The following ASTN2 variants were observed in gnomAD, a reference collection of about 807,000 sequenced individuals.
The protein encoded by ASTN2 is astrotactin 2.
Under a neutral mutation model 139.8 loss-of-function variants are expected in ASTN2, and 54 were observed. That is an observed-to-expected ratio of 0.39 (90% CI 0.31 to 0.48). The LOEUF is 0.48. ASTN2 is among the 20% of genes least tolerant of loss of function. The probability of loss-of-function intolerance (pLI) is 0.95; values close to 1 mark genes in which losing one functional copy is unlikely to be tolerated. For synonymous variants in ASTN2, 756 were observed against 719.5 expected (o/e 1.05, Z -0.81); for missense variants, 1,565 against 1,725.1 (o/e 0.91, Z 1.64).
chr9:116,626,910 TG>T (rs1038797005), intron 17 of ASTN2, among the ~76,000 whole-genome samples: 16 of 152,198 alleles, frequency 1.1e-4, no homozygotes, highest in African/African-American at 3.6e-4. Flanking sequence ...AGGATCTACC[TG>T]GGCCATCTGC....
intron 1 of ASTN2, among the ~76,000 whole-genome samples, chr9:117,353,029 T>A (rs1467740970): frequency 5.3e-5 from 8 of 152,192 alleles, no homozygotes; most frequent in Non-Finnish European, 1.2e-4. Context: ...TGGGGAGTTA[T>A]TGCTTAATGA....
chr9:116,957,803 C>G (rs535671817), intron 10 of ASTN2, among the ~76,000 whole-genome samples: 1 of 152,340 alleles, frequency 6.6e-6, no homozygotes, highest in South Asian at 2.1e-4. Flanking sequence ...GTCTCAGCCT[C>G]CTGAGTAGCT....
intron 16 of ASTN2, among the ~76,000 whole-genome samples, chr9:116,676,180 A>T (rs1428171434): frequency 2.0e-5 from 3 of 152,116 alleles, no homozygotes; most frequent in South Asian, 4.2e-4. Flanking sequence ...GGAAACTGGA[A>T]ATCTGATATG....
intron 14 of ASTN2, among the ~76,000 whole-genome samples, chr9:116,732,480 G>A (rs1332011439): frequency 2.6e-5 from 4 of 152,120 alleles, no homozygotes; most frequent in Non-Finnish European, 5.9e-5. Context: ...GTCTTCCCTG[G>A]GGAACAATTC....
intron 2 of ASTN2, among the ~76,000 whole-genome samples, chr9:117,227,499 G>GATTACTGGATGGATGAATAC (rs1832753113): frequency 6.6e-6 from 1 of 152,110 alleles, no homozygotes; most frequent in African/African-American, 2.4e-5. Context: ...TGGATGAATG[G>GATTACTGGATGGATGAATAC]ATTACTGGAT....
At chr9:117,242,408 T>C (rs912519598) in intron 2 of ASTN2, among the ~76,000 whole-genome samples, 12 of 152,264 alleles carry the variant, frequency 7.9e-5, no homozygotes, top group South Asian at 2.1e-4. Context: ...ATGTACTTAA[T>C]AGAGGAAAGT....
At chr9:116,681,117 A>C (rs1416132516) in intron 16 of ASTN2, among the ~76,000 whole-genome samples, 2 of 152,222 alleles carry the variant, frequency 1.3e-5, no homozygotes, top group Non-Finnish European at 2.9e-5. Context: ...TTGTATATCT[A>C]GAAAACCCCA....
rs1480973379 is a variant in ASTN2 at position 116,699,848 on chromosome 9, T to TTAA, written c.2806+25920_2806+25922dup. Reference sequence around the variant, plus strand: ...TCTAGAACTTCAGAAGCTCCATCTTTTAATGTTTTTATTTGTTATGTCCCC... The same window carrying TTAA: ...TCTAGAACTTCAGAAGCTCCATCTTTTAATAATGTTTTTATTTGTTATGTCCCC... On this transcript the variant is annotated intron_variant, in intron 16 of 22. Coordinates refer to ENST00000313400, the MANE Select transcript of ASTN2 (RefSeq NM_001365068.1). The surrounding 1 kb of genome is among the most constrained non-coding windows in gnomAD (Gnocchi z 4.2). 9.0e-7 allele frequency: 1 copy of TTAA among 1,114,330 alleles called. No individual in the cohort carries two copies. Among genetic ancestry groups the TTAA allele is most frequent in the African/African-American group, 1.6e-5 (1 of 63,360 alleles). 69.0% of individuals were successfully genotyped at this position (1,114,330 alleles called of 1,614,324 possible).
At chr9:116,453,193 A>G (rs1426098899) in intron 20 of ASTN2, among the ~76,000 whole-genome samples, 1 of 152,144 alleles carries the variant, frequency 6.6e-6, no homozygotes, top group East Asian at 1.9e-4. Flanking sequence ...TAAAAGACTG[A>G]GTTTGCATCA....
chr9:116,684,569 C>A (rs1281553368), intron 16 of ASTN2, among the ~76,000 whole-genome samples: 1 of 152,136 alleles, frequency 6.6e-6, no homozygotes, highest in Non-Finnish European at 1.5e-5. Flanking sequence ...CACCTAAATA[C>A]TGTACTAAAA....
chr9:116,475,961 C>T (rs1848967193), intron 20 of ASTN2, among the ~76,000 whole-genome samples: 2 of 152,194 alleles, frequency 1.3e-5, no homozygotes, highest in South Asian at 2.1e-4. Context: ...TGTCCCAAAT[C>T]CTCTTTTCCC....
At chr9:117,117,556 T>C (rs1020875494) in intron 4 of ASTN2, among the ~76,000 whole-genome samples, 5 of 152,130 alleles carry the variant, frequency 3.3e-5, no homozygotes, top group Non-Finnish European at 7.4e-5. Flanking sequence ...CCTGATATGG[T>C]TCCTGGCACA....
intron 19 of ASTN2, among the ~76,000 whole-genome samples, chr9:116,521,848 G>T (rs1850889417): frequency 6.6e-6 from 1 of 151,866 alleles, no homozygotes. Flanking sequence ...TAAAAAGCAG[G>T]TTAAGGACAT....
At chr9:117,401,912 T>A (rs898142486) in intron 1 of ASTN2, among the ~76,000 whole-genome samples, 6 of 152,188 alleles carry the variant, frequency 3.9e-5, no homozygotes, top group Admixed American at 6.5e-5. Context: ...TTGTTTAGAT[T>A]TGGCCCATGG....
At chr9:117,274,146 C>A (rs184543596) in intron 2 of ASTN2, among the ~76,000 whole-genome samples, 3 of 151,918 alleles carry the variant, frequency 2.0e-5, no homozygotes, top group Admixed American at 6.6e-5. Flanking sequence ...GTCAGGAGAT[C>A]GAGACCATCC....
chr9:117,404,991 A>G (rs929449828), intron 1 of ASTN2, among the ~76,000 whole-genome samples: 1 of 152,166 alleles, frequency 6.6e-6, no homozygotes, highest in Non-Finnish European at 1.5e-5. Flanking sequence ...AACAAGAGGC[A>G]TCTGGAGAGT....
chr9:116,697,075 T>G (rs909756166), intron 16 of ASTN2, among the ~76,000 whole-genome samples: 1 of 152,162 alleles, frequency 6.6e-6, no homozygotes, highest in Admixed American at 6.5e-5. Context: ...TTGGGAAGCC[T>G]TCCCCAAGTC....
At chr9:116,930,744 T>C (rs1199814217) in intron 10 of ASTN2, among the ~76,000 whole-genome samples, 1 of 152,186 alleles carries the variant, frequency 6.6e-6, no homozygotes, top group African/African-American at 2.4e-5. Flanking sequence ...TTTGTATGCA[T>C]GATAAAGACT....
At chr9:116,805,308 T>A (rs1305225579) in intron 13 of ASTN2, among the ~76,000 whole-genome samples, 1 of 152,202 alleles carries the variant, frequency 6.6e-6, no homozygotes, top group East Asian at 1.9e-4. Context: ...AAATACTTAT[T>A]TTTCAGTAGA....
Sources: allele counts gnomAD v4.1 joint callset (sites outside exome capture counted in the v4.1 genomes callset), GRCh38; gene constraint gnomAD v4.1.1; non-coding constraint Gnocchi (gnomAD v3.1); transcripts MANE v1.5; gene names NCBI Gene and HGNC (gene_info 2026-07-23, HGNC 2026-07-21).